The following ANTXR2 variants were observed in gnomAD, a reference collection of about 807,000 sequenced individuals.
The protein encoded by ANTXR2 is anthrax toxin receptor 2.
In ANTXR2, 44 loss-of-function variants were observed where a neutral mutation model predicts 73.7. That is an observed-to-expected ratio of 0.60 (90% CI 0.47 to 0.77). The LOEUF is 0.77. ANTXR2 is among the 30% of genes least tolerant of loss of function. The pLI is 0.00. For synonymous variants in ANTXR2, 217 were observed against 205.9 expected (o/e 1.05, Z -0.46); for missense variants, 604 against 592.5 (o/e 1.02, Z -0.20).
In ANTXR2 at chr4:80,072,889, T is replaced by C. The variant is rs1285596800; in HGVS notation, c.-329A>G. 1.3e-5 allele frequency: 4 copies of C among 307,848 alleles called. No individual in the cohort carries two copies. The highest frequency in any genetic ancestry group is 1.1e-3 in the Middle Eastern group (1 of 924). 19.1% of individuals were successfully genotyped at this position (307,848 alleles called of 1,614,324 possible). On this transcript the variant is annotated 5_prime_UTR_variant, in exon 1 of 17. Coordinates refer to ENST00000403729, the MANE Select transcript of ANTXR2 (RefSeq NM_058172.6). ...CCACGGCGACAGCTCGCGAAAGGAG[T>C]TCCTCTCCGGCCTGGGGCCGAGCCT...
chr4:79,994,841 C>T (rs1406303799), intron 12 of ANTXR2, among the ~76,000 whole-genome samples: 4 of 151,936 alleles, frequency 2.6e-5, no homozygotes, highest in African/African-American at 9.7e-5. Context: ...CTATCAAAGC[C>T]CCTTTTGCAG....
At chr4:79,919,869 AT>A (rs1157574120) in intron 16 of ANTXR2, among the ~76,000 whole-genome samples, 4 of 2,794 alleles carry the variant, frequency 1.4e-3, no homozygotes, top group African/African-American at 4.9e-3. Context: ...CATATTTTAT[AT>A]ATATATATAT....
intron 7 of ANTXR2, among the ~76,000 whole-genome samples, chr4:80,053,777 A>G (rs552159805): frequency 2.5e-4 from 38 of 151,850 alleles, no homozygotes; most frequent in African/African-American, 9.2e-4. Flanking sequence ...CTGAATTCCA[A>G]ACAGAAATAT....
rs1729302066 is a variant in ANTXR2, at chr4:79,964,939, A to T, written c.1428+12682T>A. The stretch of plus-strand genomic sequence containing the variant: ...CCGCGGACCCCGCCACCTCTGCGGA[A>T]GCTGGCGCGCGGAAGAGAGCGCGAG... On this transcript the variant is annotated intron_variant, in intron 16 of 16. Coordinates refer to ENST00000403729, the MANE Select transcript of ANTXR2 (RefSeq NM_058172.6). 3 of 152,230 alleles carry T rather than the reference A, an allele frequency of 2.0e-5. No individual in the cohort carries two copies. The East Asian group carries it at 5.8e-4, about 29-fold the overall frequency. 9.4% of individuals were successfully genotyped at this position (152,230 alleles called of 1,614,324 possible).
rs773137988 is a variant in ANTXR2, at chr4:80,054,357, A to G, written c.556-5T>C. ...GGAATCAGCAATTCTTTCAAGCTTT[A>G]GAAAGAAGAGGAAGACTTAATTAAG... is the stretch of plus-strand genomic sequence containing the variant. On this transcript the variant is annotated splice_polypyrimidine_tract_variant and splice_region_variant and intron_variant, in intron 6 of 16. Coordinates refer to ENST00000403729, the MANE Select transcript of ANTXR2 (RefSeq NM_058172.6). The G allele has an allele frequency of 6.3e-7, 1 of 1,578,930 alleles. No homozygotes were observed.
At chr4:79,989,970 A>G (rs911128290) in intron 12 of ANTXR2, among the ~76,000 whole-genome samples, 3 of 149,244 alleles carry the variant, frequency 2.0e-5, no homozygotes, top group African/African-American at 7.3e-5. Context: ...TAGGCATCAA[A>G]AAAAATATCT....
At chr4:80,004,991 C>A (rs1037108631) in intron 12 of ANTXR2, among the ~76,000 whole-genome samples, 8 of 152,002 alleles carry the variant, frequency 5.3e-5, no homozygotes, top group Non-Finnish European at 7.4e-5. Flanking sequence ...GTAACATTGT[C>A]ATCACTGACT....
intron 2 of ANTXR2, among the ~76,000 whole-genome samples, chr4:80,069,920 C>A (rs533402419): frequency 1.3e-5 from 2 of 152,122 alleles, no homozygotes; most frequent in Non-Finnish European, 2.9e-5. Context: ...GACTTAATGA[C>A]CATAACTATG....
At chr4:79,991,954 C>A (rs768069632) in intron 12 of ANTXR2, among the ~76,000 whole-genome samples, 1 of 151,844 alleles carries the variant, frequency 6.6e-6, no homozygotes, top group Non-Finnish European at 1.5e-5. Flanking sequence ...TCAGGGCCTA[C>A]ATGAAGTGAG....
At chr4:80,043,003 A>T (rs758263811) in intron 7 of ANTXR2, among the ~76,000 whole-genome samples, 2 of 152,076 alleles carry the variant, frequency 1.3e-5, no homozygotes, top group Admixed American at 6.6e-5. Context: ...ACACAATACT[A>T]TCTGTAAGAC....
chr4:79,927,031 ATG>A (rs199611600), intron 16 of ANTXR2, among the ~76,000 whole-genome samples: 11,213 of 128,128 alleles, frequency 0.088, 591 homozygotes, highest in Middle Eastern at 0.19. Context: ...ATGTGTATAT[ATG>A]TGTGTATATA....
At position 80,010,476 on chromosome 4, in the gene ANTXR2, C is replaced by T. The variant is rs146089561; in HGVS notation, c.946-1860G>A. 6.6e-5 allele frequency among the ~76,000 whole-genome samples: 10 copies of T among 152,304 alleles called. No individual in the cohort carries two copies. In the East Asian group the frequency reaches 1.9e-3, roughly 29 times the overall value. ...CCCACATGAGGATCCAGCCACAGCA[C>T]TCATAGAAATGGCACACCATTTGGC... On this transcript the variant is annotated intron_variant, in intron 11 of 16. Coordinates refer to ENST00000403729, the MANE Select transcript of ANTXR2 (RefSeq NM_058172.6).
intron 7 of ANTXR2, among the ~76,000 whole-genome samples, chr4:80,048,300 G>T (rs1479255779): frequency 6.7e-6 from 1 of 150,028 alleles, no homozygotes; most frequent in African/African-American, 2.4e-5. Flanking sequence ...AGGAGTTGGG[G>T]CAATACAATT....
chr4:79,934,911 C>G (rs1234752962), intron 16 of ANTXR2, among the ~76,000 whole-genome samples: 1 of 151,238 alleles, frequency 6.6e-6, no homozygotes, highest in Non-Finnish European at 1.5e-5. Context: ...TGGAAAGAGA[C>G]CTTGTCTGCT....
chr4:80,013,308 G>A (rs1355027897), intron 11 of ANTXR2, among the ~76,000 whole-genome samples: 4 of 152,188 alleles, frequency 2.6e-5, no homozygotes, highest in Non-Finnish European at 5.9e-5. Flanking sequence ...CACTTGCTCT[G>A]TGTAAGGACC....
rs139466950 is a variant in ANTXR2 at position 80,064,241 on chromosome 4, C to T, written c.296+5195G>A. The stretch of plus-strand genomic sequence containing the variant: ...CAAACAATTATAAGACATTTTCAGG[C>T]TGGGGGCAAGTGTAATGAAAGGGAG... On this transcript the variant is annotated intron_variant, in intron 3 of 16. Transcript: ENST00000403729. Among the ~76,000 whole-genome samples the T allele has an allele frequency of 3.9e-3, 587 of 152,122 alleles. 2 individuals carry two copies. Among genetic ancestry groups the T allele is most frequent in the Non-Finnish European group, 6.0e-3 (407 of 68,006 alleles).
chr4:80,009,331 T>C (rs1731456612), intron 11 of ANTXR2, among the ~76,000 whole-genome samples: 1 of 152,228 alleles, frequency 6.6e-6, no homozygotes. Flanking sequence ...AGTCACTTCA[T>C]GGAAGTCTTC....
At chr4:80,059,540 T>C (rs944902403) in intron 3 of ANTXR2, among the ~76,000 whole-genome samples, 6 of 151,998 alleles carry the variant, frequency 3.9e-5, no homozygotes, top group Admixed American at 3.9e-4. Flanking sequence ...AAATTTTCTA[T>C]AGAGATGTGG....
chr4:79,966,013 T>A (rs59743843), intron 16 of ANTXR2, among the ~76,000 whole-genome samples: 1 of 152,076 alleles, frequency 6.6e-6, no homozygotes, highest in Non-Finnish European at 1.5e-5. Context: ...TTGCAAACAA[T>A]AGGATTTCAC....
Sources: gnomAD v4.1 joint callset for allele counts (sites outside exome capture counted in the v4.1 genomes callset) on GRCh38, gnomAD v4.1.1 for gene constraint, MANE v1.5 for transcripts, NCBI Gene and HGNC (gene_info 2026-07-23, HGNC 2026-07-21) for gene names.